The following ZFHX3 variants were observed in gnomAD, a reference collection of about 807,000 sequenced individuals.
ZFHX3 encodes zinc finger homeobox 3, also known as zinc finger homeobox protein 3.
A neutral mutation model predicts 279.1 loss-of-function variants in ZFHX3; 42 were observed. That is an observed-to-expected ratio of 0.15 (90% CI 0.12 to 0.19). The LOEUF is 0.19. Among genes scored for constraint, ZFHX3 ranks in the 10% least tolerant of loss-of-function variants. ZFHX3 has a pLI of 1.00. For synonymous variants in ZFHX3, 2,293 were observed against 1,957.8 expected (o/e 1.17, Z -4.52); for missense variants, 4,981 against 4,754.0 (o/e 1.05, Z -1.40).
At chr16:73,547,248 AC>A (rs1247364568) in intron 2 of ZFHX3, among the ~76,000 whole-genome samples, 2 of 152,010 alleles carry the variant, frequency 1.3e-5, no homozygotes. Flanking sequence ...TACAGAGCAA[AC>A]CCCATGTTAC....
intron 1 of ZFHX3, among the ~76,000 whole-genome samples, chr16:73,877,202 C>CGGGG (rs34548922): frequency 2.4e-5 from 3 of 125,174 alleles, no homozygotes; most frequent in African/African-American, 9.5e-5. Flanking sequence ...GGGGTTAGGT[C>CGGGG]GGGGGGGGGT....
intron 8 of ZFHX3, among the ~76,000 whole-genome samples, chr16:73,077,767 G>A (rs189698918): frequency 5.6e-4 from 85 of 152,238 alleles, no homozygotes; most frequent in South Asian, 1.7e-3. Flanking sequence ...TTTGCCGATC[G>A]TGTCAATCAT....
rs72795153 is a variant in ZFHX3, at chr16:73,055,131, T to C, written c.-24+3399A>G. Among the ~76,000 whole-genome samples the C allele has an allele frequency of 9.1e-3, 1,357 of 149,222 alleles. 11 individuals are homozygous for C. The highest frequency in any genetic ancestry group is 0.013 in the Non-Finnish European group (859 of 67,210). On this transcript the variant is annotated intron_variant, in intron 1 of 8. Transcript: ENST00000397992. ...AACATGCCTTTTCTTTTCTCTCTCTTTTTTTTTTTAATAGTTTGTTGTAAC... is the reference window on the plus strand; with the variant it reads ...AACATGCCTTTTCTTTTCTCTCTCTCTTTTTTTTTAATAGTTTGTTGTAAC...
intron 2 of ZFHX3, among the ~76,000 whole-genome samples, chr16:73,639,119 A>G (rs2052552243): frequency 6.6e-6 from 1 of 152,126 alleles, no homozygotes; most frequent in Admixed American, 6.5e-5. Flanking sequence ...GGAAAACATT[A>G]TTTTGTTTCT....
intron 1 of ZFHX3, among the ~76,000 whole-genome samples, chr16:73,809,933 C>T: frequency 6.6e-6 from 1 of 152,130 alleles, no homozygotes; most frequent in East Asian, 1.9e-4. Flanking sequence ...TATTGCTTTG[C>T]TTGGTAGCAG....
chr16:73,191,614 C>T (rs1372543187), intron 5 of ZFHX3, among the ~76,000 whole-genome samples: 3 of 152,196 alleles, frequency 2.0e-5, no homozygotes, highest in African/African-American at 7.2e-5. Flanking sequence ...CCATCCTACT[C>T]GATTTTTCCC....
At chr16:73,658,205 G>C (rs1017917284) in intron 2 of ZFHX3, among the ~76,000 whole-genome samples, 1 of 152,040 alleles carries the variant, frequency 6.6e-6, no homozygotes, top group African/African-American at 2.4e-5. Context: ...TGAATTTCAG[G>C]AAATACTAGC....
At chr16:73,847,984 C>G (rs1486481607) in intron 1 of ZFHX3, among the ~76,000 whole-genome samples, 1 of 131,602 alleles carries the variant, frequency 7.6e-6, no homozygotes, top group South Asian at 2.7e-4. Flanking sequence ...TGGTCTCAAA[C>G]TCCTGACCTC....
chr16:73,382,517 G>GC lies in ZFHX3; in HGVS notation c.-1290-64182_-1290-64181insG, dbSNP rs543406429. Reference sequence around the variant, plus strand: ...CCAGCAAGAGAATAATATGATTTATGTTTTAAAAAGCCCACTCAGGCTGCT... The same window carrying GC: ...CCAGCAAGAGAATAATATGATTTATGCTTTTAAAAAGCCCACTCAGGCTGCT... On this transcript the variant is annotated intron_variant, in intron 3 of 17. Transcript: ENST00000641206. 8.7e-4 allele frequency among the ~76,000 whole-genome samples: 133 copies of GC among 152,260 alleles called. 1 individual carries two copies. In the South Asian group the frequency reaches 0.011, roughly 13 times the overall value.
exon 5 of ZFHX3, chr16:73,257,126 C>T (rs1442016458): frequency 6.6e-6 from 1 of 152,046 alleles, no homozygotes; most frequent in Admixed American, 6.6e-5. Flanking sequence ...CTGGGTTCCC[C>T]AAATCAGAGT....
intron 1 of ZFHX3, among the ~76,000 whole-genome samples, chr16:73,747,902 G>A (rs111261830): frequency 1.3e-5 from 2 of 152,116 alleles, no homozygotes; most frequent in Admixed American, 6.5e-5. Flanking sequence ...TTATTTCTCA[G>A]AGAATAATCT....
At chr16:73,115,274 C>G (rs558960367) in intron 7 of ZFHX3, among the ~76,000 whole-genome samples, 1 of 150,664 alleles carries the variant, frequency 6.6e-6, no homozygotes, top group Non-Finnish European at 1.5e-5. Flanking sequence ...GGCGTGATGG[C>G]TCATGCCTGT....
chr16:72,936,892 G>C lies in ZFHX3; in HGVS notation c.3216+13577C>G, dbSNP rs989032427. On this transcript the variant is annotated intron_variant, in intron 3 of 9. Transcript: ENST00000268489. ...AGGCGGGGGAGAGTTGAAATACAGA[G>C]AGACGATGGGGGCTGGCCTGGGAGG... 2.0e-5 allele frequency among the ~76,000 whole-genome samples: 3 copies of C among 152,260 alleles called. No homozygotes were observed. The East Asian group carries it at 5.8e-4, about 29-fold the overall frequency.
chr16:73,488,189 T>G (rs528425288), intron 2 of ZFHX3, among the ~76,000 whole-genome samples: 18 of 152,208 alleles, frequency 1.2e-4, no homozygotes, highest in African/African-American at 4.3e-4. Context: ...TGGGAGCTAA[T>G]GTAAGAGCTG....
chr16:73,715,339 T>G (rs189998240), intron 1 of ZFHX3, among the ~76,000 whole-genome samples: 3 of 152,190 alleles, frequency 2.0e-5, no homozygotes, highest in Non-Finnish European at 2.9e-5. Flanking sequence ...ACAGACCCAG[T>G]TGACCGTCTC....
intron 2 of ZFHX3, among the ~76,000 whole-genome samples, chr16:73,568,041 G>C (rs1197399328): frequency 6.6e-6 from 1 of 152,118 alleles, no homozygotes; most frequent in Non-Finnish European, 1.5e-5. Context: ...TTCAACAAAG[G>C]GTCAGGAAGG....
chr16:73,882,889 G>C (rs1363044009), intron 1 of ZFHX3, among the ~76,000 whole-genome samples: 1 of 152,068 alleles, frequency 6.6e-6, no homozygotes, highest in Non-Finnish European at 1.5e-5. Flanking sequence ...AGGCAACTTT[G>C]CAAGAGGAAG....
At chr16:73,629,796 G>C (rs2142145593) in intron 2 of ZFHX3, among the ~76,000 whole-genome samples, 1 of 152,222 alleles carries the variant, frequency 6.6e-6, no homozygotes, top group South Asian at 2.1e-4. Context: ...AATCCTACTA[G>C]TTAAAAATAT....
intron 1 of ZFHX3, among the ~76,000 whole-genome samples, chr16:73,844,663 G>T (rs1166625382): frequency 6.6e-6 from 1 of 152,014 alleles, no homozygotes; most frequent in Non-Finnish European, 1.5e-5. Flanking sequence ...AGACTGACAG[G>T]AAGATGATAG....
Sources: gnomAD v4.1 joint callset for allele counts (sites outside exome capture counted in the v4.1 genomes callset) on GRCh38, gnomAD v4.1.1 for gene constraint, MANE v1.5 for transcripts, NCBI Gene and HGNC (gene_info 2026-07-23, HGNC 2026-07-21) for gene names.